The following MOV10 variants were observed in gnomAD, a reference collection of about 807,000 sequenced individuals.
MOV10 encodes RNA helicase MOV-10.
Under a neutral mutation model 108.4 loss-of-function variants are expected in MOV10, and 39 were observed. The observed-to-expected ratio is 0.36, with a 90% CI of 0.28 to 0.47. The LOEUF is 0.47. Ranked by LOEUF, MOV10 falls within the 20% of genes least tolerant of loss-of-function variation. The pLI, the probability that MOV10 is intolerant of heterozygous loss-of-function variation, is 1.00. For missense variants in MOV10, 952 were observed against 1,297.6 expected (o/e 0.73, Z 4.09); for synonymous variants, 490 against 523.1 (o/e 0.94, Z 0.86).
intron 2 of MOV10, among the ~76,000 whole-genome samples, chr1:112,676,414 C>T (rs1222426640): frequency 5.3e-5 from 8 of 152,170 alleles, no homozygotes; most frequent in Admixed American, 4.6e-4. Context: ...GGCTAGGAAA[C>T]AAGTCACCTA....
At position 112,675,507 on chromosome 1, in the gene MOV10, G is replaced by A. The variant is rs1672128108; in HGVS notation, c.137+458G>A. 6.6e-6 allele frequency among the ~76,000 whole-genome samples: 1 copy of A among 152,262 alleles called. No individual in the cohort carries two copies. The highest frequency in any genetic ancestry group is 1.5e-5 in the Non-Finnish European group (1 of 68,046). ...ACAGGGACCTCTGCCACCTTGTTGA[G>A]GCGCTGCTGCCTCGGGGGTCCGCTA... On this transcript the variant is annotated intron_variant, in intron 2 of 20. Transcript: ENST00000369645. This position sits in a 1 kb window ranked among gnomAD's most constrained non-coding sequence, Gnocchi z 4.7.
chr1:112,699,977 G>C lies in MOV10; in HGVS notation c.2793G>C (p.Trp931Cys), dbSNP rs772012793. 1 of 1,614,194 alleles carries C rather than the reference G, an allele frequency of 6.2e-7. No homozygotes were observed. The highest frequency in any genetic ancestry group is 8.5e-7 in the Non-Finnish European group (1 of 1,180,026). Residue 931 changes from tryptophan to cysteine, a missense_variant, in exon 19 of 21, where the codon TGG (tryptophan) becomes TGC (cysteine). Trp to Cys is a radical substitution (Grantham distance 215). Around this residue, in one of 5 missense-constraint regions of MOV10, gnomAD observed 65 missense variants for 124.3 expected, o/e 0.52. Transcript: ENST00000369645. Reference protein sequence around the residue: ...NPLLLGHDPDWKVFLEFCKEN... With the variant: ...NPLLLGHDPDCKVFLEFCKEN... ...TTCTCCTGGGCCATGACCCTGACTG[G>C]AAAGTGTGAGCATTCCCACCCCATT...
In MOV10 at chr1:112,698,734, G is replaced by C. The variant is rs1674345764; in HGVS notation, c.2528G>C (p.Cys843Ser). ...TTCCAGGTGGAGAAAATCCGTTACTGCATCACCAAACTTGACAGGGAGCTT... is the reference window on the plus strand; with the variant it reads ...TTCCAGGTGGAGAAAATCCGTTACTCCATCACCAAACTTGACAGGGAGCTT... ...YRKQVEKIRY[C>S]ITKLDRELRG... Residue 843 changes from cysteine to serine, a missense_variant, in exon 17 of 21, where the codon TGC becomes TCC. This residue lies in a region of MOV10 where 453 missense variants were observed against 611.5 expected (regional missense o/e 0.74). Transcript: ENST00000369645. 1 of 1,614,016 alleles carries C rather than the reference G, an allele frequency of 6.2e-7. No homozygotes were observed. The highest frequency in any genetic ancestry group is 1.3e-5 in the African/African-American group (1 of 74,912).
intron 2 of MOV10, among the ~76,000 whole-genome samples, chr1:112,679,216 G>A (rs919705209): frequency 2.6e-4 from 39 of 152,056 alleles, no homozygotes; most frequent in Non-Finnish European, 2.9e-5. Flanking sequence ...GCCTAAGGCA[G>A]GGCAGTGCAG....
At chr1:112,688,406 C>T (rs1673262820) in intron 2 of MOV10, 4 of 996,748 alleles carry the variant, frequency 4.0e-6, no homozygotes, top group Non-Finnish European at 3.6e-6. Context: ...CCTATGACTT[C>T]GGGTGGAAAC....
In MOV10 at chr1:112,694,475, G is replaced by T; in HGVS notation, c.1318G>T (p.Gly440Trp). ...SMSLLSRFVD[G>W]LTFKVNFTFN... is the part of the protein sequence containing the mutation. ...AAGCCTCCTGAGCCGCTTTGTGGAT[G>T]GGCTGACCTTCAAGGTGAACTTTAC... is the stretch of plus-strand genomic sequence containing the variant. Residue 440 changes from glycine to tryptophan, a missense_variant, in exon 9 of 21, where the codon GGG (glycine) becomes TGG (tryptophan). Around this residue, in one of 5 missense-constraint regions of MOV10, gnomAD observed 453 missense variants for 611.5 expected, o/e 0.74. Transcript: ENST00000369645. The surrounding 1 kb of genome is among the most constrained non-coding windows in gnomAD (Gnocchi z 4.1). The T allele has an allele frequency of 6.2e-7, 1 of 1,614,086 alleles. No homozygotes were observed. The highest frequency in any genetic ancestry group is 8.5e-7 in the Non-Finnish European group (1 of 1,180,026).
In MOV10 at chr1:112,692,924, C is replaced by T; in HGVS notation, c.1135C>T (p.Leu379=). The T allele has an allele frequency of 6.2e-7, 1 of 1,608,396 alleles. No homozygotes were observed. The highest frequency in any genetic ancestry group is 8.5e-7 in the Non-Finnish European group (1 of 1,177,750). ...GGACCAGAACCCCAGGCTGCTCACG[C>T]TGGAGGTCAGGGCTCAGATTGAGTG... ...PVDQNPRLLT[L]EVPGVTESRP... is the part of the protein sequence containing the mutation. The change falls in exon 7 of 21, where the codon CTG becomes TTG. Residue 379 remains leucine (L), a synonymous_variant. Coordinates refer to ENST00000369645, the MANE Select transcript of MOV10 (RefSeq NM_001321324.2).
chr1:112,674,898 G>A lies in MOV10; in HGVS notation c.-15G>A, dbSNP rs774121647. The A allele has an allele frequency of 1.9e-6, 3 of 1,550,860 alleles. No individual in the cohort carries two copies. Among genetic ancestry groups the A allele is most frequent in the Admixed American group, 2.1e-5 (1 of 47,426 alleles). On this transcript the variant is annotated 5_prime_UTR_variant, in exon 2 of 21. Transcript: ENST00000369645. ...TTCCACGGACCCTCCTGCCTGGGCC[G>A]CAGCCGCCGCCGCGATGCCCAGTAA...
At chr1:112,676,240 T>C (rs1048739211) in intron 2 of MOV10, among the ~76,000 whole-genome samples, 4 of 152,154 alleles carry the variant, frequency 2.6e-5, no homozygotes, top group African/African-American at 9.7e-5. Context: ...GGCTATGATA[T>C]GCATGCAATA....
chr1:112,700,255 CG>C lies in MOV10; in HGVS notation c.2838del (p.Cys947ValfsTer19). ...EFCKENGGYT[G>X]CPFPAKLDLQ... ...TCTGTAAAGAAAACGGAGGGTATACCGGGTGTCCCTTCCCTGCCAAACTGGA... is the reference window on the plus strand; with the variant it reads ...TCTGTAAAGAAAACGGAGGGTATACCGGTGTCCCTTCCCTGCCAAACTGGA... On this transcript the variant is annotated frameshift_variant, in exon 20 of 21. Coordinates refer to ENST00000369645, the MANE Select transcript of MOV10 (RefSeq NM_001321324.2). LOFTEE classifies it high-confidence loss of function. The C allele has an allele frequency of 6.2e-7, 1 of 1,614,116 alleles. No individual in the cohort carries two copies. Among genetic ancestry groups the C allele is most frequent in the Non-Finnish European group, 8.5e-7 (1 of 1,179,986 alleles).
In MOV10 at chr1:112,695,673, C is replaced by T. The variant is rs539534319; in HGVS notation, c.1779+99C>T. ...AAGCTAGGAGACCTGGATTCTGATA[C>T]TTGCTATGTGACCTTGGGTTGGACA... is the stretch of plus-strand genomic sequence containing the variant. On this transcript the variant is annotated intron_variant, in intron 11 of 20. Transcript: ENST00000369645. The T allele has an allele frequency of 1.1e-4, 146 of 1,330,452 alleles. No individual in the cohort carries two copies. The African/African-American group carries it at 2.0e-3, about 18-fold the overall frequency. The allele number at this position is 1,330,452 out of a possible 1,614,324, so 82.4% of individuals were successfully genotyped here.
At chr1:112,682,721 A>G (rs1672758810) in intron 2 of MOV10, among the ~76,000 whole-genome samples, 1 of 152,166 alleles carries the variant, frequency 6.6e-6, no homozygotes, top group African/African-American at 2.4e-5. Flanking sequence ...ATGGAATCAT[A>G]TAGTATGTAC....
chr1:112,675,103 A>T lies in MOV10; in HGVS notation c.137+54A>T. ...ATCGCGGGCCCAGCTTGCTGCCACG[A>T]CCCCCGCGCGAGGGCCACCTTTCCC... On this transcript the variant is annotated intron_variant, in intron 2 of 20. Transcript: ENST00000369645. This position sits in a 1 kb window ranked among gnomAD's most constrained non-coding sequence, Gnocchi z 4.7. The T allele has an allele frequency of 6.4e-7, 1 of 1,557,350 alleles. No individual in the cohort carries two copies. The highest frequency in any genetic ancestry group is 8.6e-7 in the Non-Finnish European group (1 of 1,156,592).
rs1483648336 is a variant in MOV10 at position 112,675,014 on chromosome 1, G to A, written c.102G>A (p.Arg34=). Reference sequence around the variant, plus strand: ...TGGACATGGAGACAGATCGCGAGCGGCTGCGGACCATTTATAACCGCGACT... The same window carrying A: ...TGGACATGGAGACAGATCGCGAGCGACTGCGGACCATTTATAACCGCGACT... ...RGLDMETDRE[R]LRTIYNRDFK... Residue 34 remains arginine (R), a synonymous_variant, in exon 2 of 21, where the codon CGG becomes CGA. Coordinates refer to ENST00000369645, the MANE Select transcript of MOV10 (RefSeq NM_001321324.2). This position sits in a 1 kb window ranked among gnomAD's most constrained non-coding sequence, Gnocchi z 4.7. 1.3e-6 allele frequency: 2 copies of A among 1,585,630 alleles called. No individual in the cohort carries two copies. Among genetic ancestry groups the A allele is most frequent in the Non-Finnish European group, 1.7e-6 (2 of 1,166,912 alleles).
Position 112,675,357 on chromosome 1 carries a change from C to A in MOV10, c.137+308C>A, listed in dbSNP as rs920419830. Among the ~76,000 whole-genome samples, 6 of 152,242 alleles carry A rather than the reference C, an allele frequency of 3.9e-5. No homozygotes were observed. The highest frequency in any genetic ancestry group is 1.3e-4 in the Admixed American group (2 of 15,302). On this transcript the variant is annotated intron_variant, in intron 2 of 20. Transcript: ENST00000369645. This position sits in a 1 kb window ranked among gnomAD's most constrained non-coding sequence, Gnocchi z 4.7. ...GGAGCTGCGTCCCGCGTCCATGCGCCGCTCGCGGGGGCTGAGGGACAGCGC... is the reference window on the plus strand; with the variant it reads ...GGAGCTGCGTCCCGCGTCCATGCGCAGCTCGCGGGGGCTGAGGGACAGCGC...
Position 112,674,674 on chromosome 1 carries a change from G to T in MOV10, c.-121G>T. 2.3e-6 allele frequency: 1 copy of T among 440,356 alleles called. No individual in the cohort carries two copies. Among genetic ancestry groups the T allele is most frequent in the Middle Eastern group, 5.9e-4 (1 of 1,696 alleles). The allele number at this position is 440,356 out of a possible 1,614,324, so 27.3% of individuals were successfully genotyped here. A position where few individuals can be genotyped will look rare whatever the true frequency, so the allele number is the denominator to read the frequency against. On this transcript the variant is annotated 5_prime_UTR_variant, in exon 1 of 21. Coordinates refer to ENST00000369645, the MANE Select transcript of MOV10 (RefSeq NM_001321324.2). ...GGGAGGGGTCAGACGCTTTAGGAAAGAGTTAATGCGAAGAGGGGGAGGGGA... is the reference window on the plus strand; with the variant it reads ...GGGAGGGGTCAGACGCTTTAGGAAATAGTTAATGCGAAGAGGGGGAGGGGA...
chr1:112,680,655 C>CAA (rs1229116415), intron 2 of MOV10, among the ~76,000 whole-genome samples: 1,344 of 35,146 alleles, frequency 0.038, 103 homozygotes, highest in East Asian at 0.11. Context: ...GACTCCGTCT[C>CAA]AAAAAAAAAA....
intron 4 of MOV10, 60 bp from the exon 5 acceptor site, chr1:112,689,780 C>G: frequency 6.3e-7 from 1 of 1,591,174 alleles, no homozygotes; most frequent in Non-Finnish European, 8.6e-7. Context: ...GGGGAGTGTC[C>G]GGGATAAGGA....
At position 112,694,978 on chromosome 1, in the gene MOV10, C is replaced by T; in HGVS notation, c.1620+82C>T. 6.8e-7 allele frequency: 1 copy of T among 1,468,626 alleles called. No individual in the cohort carries two copies. Among genetic ancestry groups the T allele is most frequent in the Non-Finnish European group, 9.2e-7 (1 of 1,088,062 alleles). The allele number at this position is 1,468,626 out of a possible 1,614,324, so 91.0% of individuals were successfully genotyped here. A position where few individuals can be genotyped will look rare whatever the true frequency, so the allele number is the denominator to read the frequency against. Reference sequence around the variant, plus strand: ...TTGTCCCCAGATTCTAGTTCCTTCCCACTCCCGAAATGCTCCTGCTTCTAA... The same window carrying T: ...TTGTCCCCAGATTCTAGTTCCTTCCTACTCCCGAAATGCTCCTGCTTCTAA... On this transcript the variant is annotated intron_variant, in intron 10 of 20. Coordinates refer to ENST00000369645, the MANE Select transcript of MOV10 (RefSeq NM_001321324.2). This position sits in a 1 kb window ranked among gnomAD's most constrained non-coding sequence, Gnocchi z 4.1.
Sources: allele counts gnomAD v4.1 joint callset (sites outside exome capture counted in the v4.1 genomes callset), GRCh38; gene constraint gnomAD v4.1.1; regional missense constraint gnomAD v4.1.1; non-coding constraint Gnocchi (gnomAD v3.1); transcripts MANE v1.5; gene names NCBI Gene and HGNC (gene_info 2026-07-23, HGNC 2026-07-21).